ARSH: variants seen among roughly 807,000 people sequenced by gnomAD.
ARSH encodes the protein arylsulfatase family member H.
In ARSH, 32 loss-of-function variants were observed where a neutral mutation model predicts 28.7. The observed-to-expected ratio is 1.11, with a 90% CI of 0.84 to 1.50. The LOEUF (loss-of-function observed/expected upper bound fraction) is 1.50, where lower values mean the gene tolerates loss of function less well. Among genes scored for constraint, ARSH ranks in the 40% most tolerant of loss-of-function variants. The pLI is 0.00. For synonymous variants in ARSH, 176 were observed against 177.3 expected (o/e 0.99, Z 0.06); for missense variants, 440 against 452.4 (o/e 0.97, Z 0.25).
At position 3,006,595 on chromosome X, in the gene ARSH, G is replaced by A. The variant is rs200823495; in HGVS notation, c.-18G>A. 6.3e-4 allele frequency: 757 copies of A among 1,193,877 alleles called. No homozygotes were observed. The highest frequency in any genetic ancestry group is 8.3e-4 in the Non-Finnish European group (733 of 881,278). On this transcript the variant is annotated 5_prime_UTR_variant, in exon 1 of 9. Coordinates refer to ENST00000381130, the MANE Select transcript of ARSH (RefSeq NM_001011719.2). ...AGTGTCCCTGTGCTGTTTGTTTTGC[G>A]GTGTTGATGGCACATTTATGACAAG...
At chrX:3,013,875 G>C (rs1438394559) in intron 3 of ARSH, among the ~76,000 whole-genome samples, 1 of 111,396 alleles carries the variant, frequency 9.0e-6, no homozygotes, top group African/African-American at 3.3e-5. Flanking sequence ...CCTGTGAGTG[G>C]GAATTCTCTA....
intron 2 of ARSH, among the ~76,000 whole-genome samples, chrX:3,012,350 C>G (rs749174231): frequency 9.8e-6 from 1 of 102,103 alleles, no homozygotes; most frequent in African/African-American, 3.6e-5. Flanking sequence ...CCAGCCCGGC[C>G]AACATAGTGA....
At chrX:3,018,794 T>C in intron 5 of ARSH, 124 bp downstream of exon 5, 1 of 701,573 alleles carries the variant, frequency 1.4e-6, no homozygotes, top group Non-Finnish European at 2.0e-6. Context: ...AAGTATCTGT[T>C]TCATCCCTTA....
chrX:3,015,081 G>A lies in ARSH; in HGVS notation c.452G>A (p.Cys151Tyr). ...YGVPFGLLSD[C>Y]QASKTPELHR... ...GTGCCTTTTGGACTTTTAAGCGACT[G>A]CCAGGCATCCAAGACACCAGAACTG... is the stretch of plus-strand genomic sequence containing the variant. The change falls in exon 4 of 9, where the codon TGC becomes TAC. Residue 151 changes from cysteine to tyrosine, a missense_variant. By Grantham distance (194) the Cys-to-Tyr change is radical (BLOSUM62 -2). Coordinates refer to ENST00000381130, the MANE Select transcript of ARSH (RefSeq NM_001011719.2). The A allele has an allele frequency of 8.3e-7, 1 of 1,210,651 alleles. No homozygotes were observed. Among genetic ancestry groups the A allele is most frequent in the Non-Finnish European group, 1.1e-6 (1 of 895,017 alleles).
At chrX:3,019,135 C>T (rs947556947) in intron 5 of ARSH, among the ~76,000 whole-genome samples, 2 of 109,273 alleles carry the variant, frequency 1.8e-5, no homozygotes, top group Admixed American at 2.0e-4. Flanking sequence ...CATGGTTATG[C>T]GGGCCTGTAG....
intron 3 of ARSH, among the ~76,000 whole-genome samples, chrX:3,013,661 G>A (rs1383399510): frequency 9.0e-6 from 1 of 110,630 alleles, no homozygotes; most frequent in Non-Finnish European, 1.9e-5. Flanking sequence ...TAGAATTCCA[G>A]TCCTAGAAGA....
Position 3,008,449 on chromosome X carries a change from T to TTTTCTTTCTTTCTTTC in ARSH, c.93-1530_93-1515dup, listed in dbSNP as rs554017732. On this transcript the variant is annotated intron_variant, in intron 1 of 8. Transcript: ENST00000381130. ...AAAGGCATTGGTCTTCTTCTTCTTA[T>TTTTCTTTCTTTCTTTC]TTTCTTTCTTTCTTTCTTTCTTTCT... is the stretch of plus-strand genomic sequence containing the variant. Among the ~76,000 whole-genome samples the TTTTCTTTCTTTCTTTC allele has an allele frequency of 9.2e-5, 7 of 75,854 alleles. No homozygotes were observed. In the East Asian group the frequency reaches 1.3e-3, roughly 14 times the overall value. 65.9% of individuals were successfully genotyped at this position (75,854 alleles called of 115,157 possible). A position where few individuals can be genotyped will look rare whatever the true frequency, so the allele number is the denominator to read the frequency against.
intron 6 of ARSH, among the ~76,000 whole-genome samples, chrX:3,025,046 A>C (rs1486885011): frequency 1.8e-5 from 2 of 110,117 alleles, no homozygotes; most frequent in East Asian, 5.7e-4. Flanking sequence ...TGGAGGTATA[A>C]TCACTATGTA....
rs904753804 is a variant in ARSH at position 3,033,442 on chromosome X, G to A, written c.*57G>A. The A allele has an allele frequency of 6.0e-5, 66 of 1,101,734 alleles. No individual in the cohort carries two copies. The highest frequency in any genetic ancestry group is 7.0e-5 in the Non-Finnish European group (58 of 826,703). The allele number at this position is 1,101,734 out of a possible 1,213,427, so 90.8% of individuals were successfully genotyped here. On this transcript the variant is annotated 3_prime_UTR_variant, in exon 9 of 9. Coordinates refer to ENST00000381130, the MANE Select transcript of ARSH (RefSeq NM_001011719.2). ...ACTTACTGTTACAATGGTCATAGGA[G>A]CAGAGCTCACCTGACTGATTCATTC...
intron 1 of ARSH, among the ~76,000 whole-genome samples, chrX:3,008,019 G>C (rs1351949507): frequency 8.9e-6 from 1 of 111,740 alleles, no homozygotes; most frequent in African/African-American, 3.2e-5. Context: ...ACATTCTGAG[G>C]TCCTGGGGGT....
chrX:3,025,546 C>CTATA (rs34062456), intron 6 of ARSH, among the ~76,000 whole-genome samples: 4 of 103,559 alleles, frequency 3.9e-5, no homozygotes, highest in Admixed American at 1.1e-4. Context: ...ACACATAATC[C>CTATA]TATATATATA....
At chrX:3,012,010 T>G (rs1310192026) in intron 2 of ARSH, among the ~76,000 whole-genome samples, 1 of 111,239 alleles carries the variant, frequency 9.0e-6, no homozygotes, top group African/African-American at 3.3e-5. Context: ...GCCCAGCTAA[T>G]TTTTGTATTT....
intron 3 of ARSH, among the ~76,000 whole-genome samples, chrX:3,013,449 C>T (rs760248927): frequency 1.5e-4 from 17 of 110,823 alleles, no homozygotes; most frequent in African/African-American, 4.9e-4. Flanking sequence ...ATGTTTGTGA[C>T]ACCATTATTA....
intron 2 of ARSH, among the ~76,000 whole-genome samples, chrX:3,012,590 TATATATATA>T (rs1569122664): frequency 1.9e-3 from 44 of 23,395 alleles, no homozygotes; most frequent in Middle Eastern, 0.033. Flanking sequence ...TATATATATA[TATATATATA>T]ATATATATAT....
chrX:3,029,719 T>C (rs1357990630), intron 8 of ARSH, among the ~76,000 whole-genome samples: 2 of 108,960 alleles, frequency 1.8e-5, no homozygotes, highest in Non-Finnish European at 1.9e-5. Flanking sequence ...TTAGTAGAGA[T>C]GGGGTTTCAC....
chrX:3,029,882 G>C (rs978208724), intron 8 of ARSH, among the ~76,000 whole-genome samples: 3 of 110,656 alleles, frequency 2.7e-5, no homozygotes, highest in Admixed American at 2.0e-4. Context: ...GTGCCCAAAG[G>C]GTTTTATTTT....
At chrX:3,028,853 G>A (rs1304991801) in intron 7 of ARSH, among the ~76,000 whole-genome samples, 1 of 110,408 alleles carries the variant, frequency 9.1e-6, no homozygotes, top group Non-Finnish European at 1.9e-5. Flanking sequence ...GCCGAGGCAG[G>A]CGGATCATGA....
At chrX:3,016,391 G>A (rs1185378840) in intron 4 of ARSH, among the ~76,000 whole-genome samples, 1 of 110,657 alleles carries the variant, frequency 9.0e-6, no homozygotes, top group Non-Finnish European at 1.9e-5. Context: ...GATTAAACCT[G>A]GGGGGTAAAA....
intron 5 of ARSH, among the ~76,000 whole-genome samples, chrX:3,023,605 AT>A (rs2089890397): frequency 9.4e-6 from 1 of 106,900 alleles, no homozygotes; most frequent in African/African-American, 3.3e-5. Flanking sequence ...CTATTCCATA[AT>A]TGATTATATT....
Sources: allele counts gnomAD v4.1 joint callset (sites outside exome capture counted in the v4.1 genomes callset), GRCh38; gene constraint gnomAD v4.1.1; transcripts MANE v1.5; gene names NCBI Gene and HGNC (gene_info 2026-07-23, HGNC 2026-07-21).